Variants in SLCO1B1 observed in about 807,000 individuals in gnomAD.
SLCO1B1 encodes OATP-2.
A neutral mutation model predicts 70.1 loss-of-function variants in SLCO1B1; 81 were observed. That is an observed-to-expected ratio of 1.16 (90% CI 0.97 to 1.39). The LOEUF is 1.39. Ranked by LOEUF, SLCO1B1 falls within the 40% of genes most tolerant of loss-of-function variation. SLCO1B1 has a pLI of 0.00. For missense variants in SLCO1B1, 895 were observed against 799.6 expected, an observed-to-expected ratio of 1.12 and a Z score of -1.44; for synonymous variants, 283 against 271.5, an observed-to-expected ratio of 1.04 and a Z score of -0.42.
intron 11 of SLCO1B1, among the ~76,000 whole-genome samples, chr12:21,208,839 C>T (rs1278671895): frequency 6.6e-6 from 1 of 152,006 alleles, no homozygotes; most frequent in African/African-American, 2.4e-5. Context: ...AGATCTTTCA[C>T]TTCCTTGGTT....
At chr12:21,229,546 G>T (rs1941513007) in intron 14 of SLCO1B1, among the ~76,000 whole-genome samples, 1 of 152,074 alleles carries the variant, frequency 6.6e-6, no homozygotes, top group Admixed American at 6.6e-5. Context: ...TGTTTCAATT[G>T]CTTGATAGCT....
chr12:21,172,588 C>T, intron 2 of SLCO1B1, 62 bp from the exon 3 acceptor site: 3 of 1,522,122 alleles, frequency 2.0e-6, no homozygotes, highest in South Asian at 2.2e-5. Flanking sequence ...TTCCATGTGC[C>T]TATTGACATT....
At chr12:21,148,396 GA>G (rs1302160649) in intron 2 of SLCO1B1, among the ~76,000 whole-genome samples, 1 of 152,010 alleles carries the variant, frequency 6.6e-6, no homozygotes, top group African/African-American at 2.4e-5. Context: ...TAAGGTGTAA[GA>G]AAGGGGTCCA....
intron 7 of SLCO1B1, among the ~76,000 whole-genome samples, chr12:21,183,307 C>G (rs1940927782): frequency 6.6e-6 from 1 of 152,168 alleles, no homozygotes; most frequent in Non-Finnish European, 1.5e-5. Flanking sequence ...GCCATTCTCC[C>G]ACCTCAGCCT....
intron 1 of SLCO1B1, among the ~76,000 whole-genome samples, chr12:21,133,713 C>T (rs1034238715): frequency 1.3e-5 from 2 of 152,122 alleles, no homozygotes; most frequent in African/African-American, 4.8e-5. Flanking sequence ...AGTTGCTTAT[C>T]AACTTGAGGA....
Position 21,205,913 on chromosome 12 carries a change from C to A in SLCO1B1, c.1377C>A (p.Cys459Ter). Residue 459 changes from cysteine (C) to a stop codon, truncating the protein, a stop_gained, in exon 11 of 15, where the codon TGC becomes TGA. Coordinates refer to ENST00000256958, the MANE Select transcript of SLCO1B1 (RefSeq NM_006446.5). LOFTEE classifies it high-confidence loss of function. ...ATAGAGATGTACCACTTTCTTATTG[C>A]AACTCAGACTGCAATTGTGATGAAA... ...TSHRDVPLSY[C>*]NSDCNCDESQ... 1.2e-6 allele frequency: 2 copies of A among 1,610,866 alleles called. No individual in the cohort carries two copies. The highest frequency in any genetic ancestry group is 1.7e-6 in the Non-Finnish European group (2 of 1,177,598).
At chr12:21,197,738 A>G (rs1941110744) in intron 8 of SLCO1B1, among the ~76,000 whole-genome samples, 5 of 152,104 alleles carry the variant, frequency 3.3e-5, no homozygotes, top group Admixed American at 3.3e-4. Context: ...TCCCTATGTA[A>G]TTAGAGTAAT....
At chr12:21,233,523 A>G (rs1480638565) in intron 14 of SLCO1B1, among the ~76,000 whole-genome samples, 1 of 150,590 alleles carries the variant, frequency 6.6e-6, no homozygotes, top group Non-Finnish European at 1.5e-5. Context: ...GAGCTAACCA[A>G]CACCTCCAAA....
intron 2 of SLCO1B1, among the ~76,000 whole-genome samples, chr12:21,151,456 G>A (rs1591800349): frequency 6.6e-6 from 1 of 151,902 alleles, no homozygotes; most frequent in South Asian, 2.1e-4. Context: ...TCCATTTCTT[G>A]TATCATTATT....
chr12:21,163,688 AG>A (rs1478395221), intron 2 of SLCO1B1, among the ~76,000 whole-genome samples: 1 of 152,162 alleles, frequency 6.6e-6, no homozygotes, highest in African/African-American at 2.4e-5. Context: ...TAAAAGAGAA[AG>A]AGAATGGAAG....
chr12:21,212,044 T>C (rs1351065222), intron 11 of SLCO1B1, among the ~76,000 whole-genome samples: 1 of 149,154 alleles, frequency 6.7e-6, no homozygotes, highest in Non-Finnish European at 1.5e-5. Flanking sequence ...TGAAGGTTTT[T>C]TTTTGTGTCT....
At chr12:21,137,133 C>G (rs1034831614) in intron 1 of SLCO1B1, among the ~76,000 whole-genome samples, 3 of 152,186 alleles carry the variant, frequency 2.0e-5, no homozygotes, top group Non-Finnish European at 4.4e-5. Context: ...GCCTCAGTGG[C>G]TGTAGAAGAG....
chr12:21,182,571 C>T (rs1182881652), intron 7 of SLCO1B1, among the ~76,000 whole-genome samples: 1 of 152,140 alleles, frequency 6.6e-6, no homozygotes, highest in Non-Finnish European at 1.5e-5. Context: ...CCTGGCCACA[C>T]CTGCAAGAAT....
intron 13 of SLCO1B1, among the ~76,000 whole-genome samples, 200 bp downstream of exon 13, chr12:21,222,564 GAC>G (rs1016161525): frequency 6.6e-6 from 1 of 150,990 alleles, no homozygotes; most frequent in Non-Finnish European, 1.5e-5. Context: ...AACAATAAGA[GAC>G]AGAGTAAAAT....
chr12:21,132,612 T>G (rs1163431549), intron 1 of SLCO1B1, among the ~76,000 whole-genome samples: 1 of 152,158 alleles, frequency 6.6e-6, no homozygotes, highest in Non-Finnish European at 1.5e-5. Context: ...TTTCACGTGT[T>G]TTTTGGCTGC....
chr12:21,217,426 G>A (rs1941372385), intron 12 of SLCO1B1, 123 bp downstream of exon 12: 1 of 825,946 alleles, frequency 1.2e-6, no homozygotes, highest in East Asian at 2.7e-5. Flanking sequence ...TTAATTTTCT[G>A]AGAATTCATT....
chr12:21,202,784 C>G, intron 10 of SLCO1B1, 98 bp downstream of exon 10: 1 of 980,022 alleles, frequency 1.0e-6, no homozygotes, highest in Non-Finnish European at 1.5e-6. Context: ...TTTAACTAAA[C>G]TTTCTTTAAG....
At chr12:21,147,647 G>T (rs1940406959) in intron 2 of SLCO1B1, among the ~76,000 whole-genome samples, 1 of 152,202 alleles carries the variant, frequency 6.6e-6, no homozygotes, top group Admixed American at 6.5e-5. Flanking sequence ...ATTCCATGGT[G>T]TATATGTGCC....
At chr12:21,145,361 A>G (rs2121047343) in intron 2 of SLCO1B1, among the ~76,000 whole-genome samples, 1 of 151,930 alleles carries the variant, frequency 6.6e-6, no homozygotes, top group East Asian at 1.9e-4. Flanking sequence ...GCTGGAGTGC[A>G]GTGGCATAAT....
Sources: gnomAD v4.1 joint callset for allele counts (sites outside exome capture counted in the v4.1 genomes callset) on GRCh38, gnomAD v4.1.1 for gene constraint, MANE v1.5 for transcripts, NCBI Gene and HGNC (gene_info 2026-07-23, HGNC 2026-07-21) for gene names.